The following CDK17 variants were observed in gnomAD, a reference collection of about 807,000 sequenced individuals.
CDK17 encodes cyclin-dependent kinase 17.
Under a neutral mutation model 77.6 loss-of-function variants are expected in CDK17, and 24 were observed. That is an observed-to-expected ratio of 0.31 (90% CI 0.22 to 0.44). The LOEUF is 0.44. Ranked by LOEUF, CDK17 falls within the 20% of genes least tolerant of loss-of-function variation. The pLI, the probability that CDK17 is intolerant of heterozygous loss-of-function variation, is 1.00. For missense variants in CDK17, 429 were observed against 622.5 expected (o/e 0.69, Z 3.31); for synonymous variants, 203 against 210.4 (o/e 0.96, Z 0.30).
intron 1 of CDK17, among the ~76,000 whole-genome samples, chr12:96,341,516 A>T (rs1018364740): frequency 1.5e-4 from 23 of 152,204 alleles, no homozygotes; most frequent in African/African-American, 4.6e-4. Flanking sequence ...AATGTTCAAA[A>T]ATCAGTTATC....
chr12:96,347,514 C>T (rs1485522337), intron 1 of CDK17, among the ~76,000 whole-genome samples: 2 of 148,138 alleles, frequency 1.4e-5, no homozygotes, highest in African/African-American at 5.0e-5. Flanking sequence ...TGAAGTGAGC[C>T]AGGATCACAC....
chr12:96,385,012 G>GAA (rs75720821), intron 1 of CDK17, among the ~76,000 whole-genome samples: 15 of 75,506 alleles, frequency 2.0e-4, no homozygotes, highest in East Asian at 3.8e-4. Flanking sequence ...TTTCTCAAGG[G>GAA]AAAAAAAAAA....
At chr12:96,363,476 G>GC (rs1011781587) in intron 1 of CDK17, among the ~76,000 whole-genome samples, 21 of 148,028 alleles carry the variant, frequency 1.4e-4, no homozygotes, top group Non-Finnish European at 3.0e-4. Flanking sequence ...AAAAATTAGA[G>GC]CCCCCTGTGC....
intron 1 of CDK17, among the ~76,000 whole-genome samples, chr12:96,398,578 G>T (rs1954208952): frequency 6.6e-6 from 1 of 152,188 alleles, no homozygotes; most frequent in Non-Finnish European, 1.5e-5. Context: ...GAACAAGCCA[G>T]ATTTGTTGCT....
At chr12:96,333,655 C>T (rs1388548776) in intron 2 of CDK17, among the ~76,000 whole-genome samples, 2 of 135,900 alleles carry the variant, frequency 1.5e-5, no homozygotes, top group Non-Finnish European at 3.0e-5. Context: ...GCCTGGGCAG[C>T]AGAGCGAGAC....
intron 1 of CDK17, among the ~76,000 whole-genome samples, chr12:96,340,760 T>C (rs1209404251): frequency 2.0e-5 from 3 of 152,290 alleles, no homozygotes; most frequent in South Asian, 4.1e-4. Context: ...TTATCTAAAA[T>C]TGGAACACTC....
intron 3 of CDK17, among the ~76,000 whole-genome samples, chr12:96,319,316 C>T (rs1592725665): frequency 1.5e-5 from 2 of 129,726 alleles, no homozygotes; most frequent in Admixed American, 7.9e-5. Flanking sequence ...AATAGTTTAC[C>T]AACCAAAAAG....
chr12:96,285,987 A>T (rs1952240534), intron 13 of CDK17, 56 bp downstream of exon 13: 3 of 866,562 alleles, frequency 3.5e-6, no homozygotes, highest in African/African-American at 1.7e-5. Context: ...CTAATCCTTC[A>T]AAAGATTGAA....
intron 5 of CDK17, among the ~76,000 whole-genome samples, chr12:96,306,377 G>C (rs1054583749): frequency 2.7e-5 from 4 of 150,372 alleles, no homozygotes; most frequent in East Asian, 2.0e-4. Context: ...GACAAGCCTG[G>C]ATAATATAGT....
intron 1 of CDK17, among the ~76,000 whole-genome samples, chr12:96,384,677 C>T (rs1044847203): frequency 6.6e-6 from 1 of 152,152 alleles, no homozygotes; most frequent in African/African-American, 2.4e-5. Context: ...AAATACTGTA[C>T]GTTCTCACTT....
At chr12:96,383,629 G>A (rs948418393) in intron 1 of CDK17, among the ~76,000 whole-genome samples, 1 of 152,050 alleles carries the variant, frequency 6.6e-6, no homozygotes, top group Non-Finnish European at 1.5e-5. Flanking sequence ...AACCACAACC[G>A]TCTGATCGTC....
chr12:96,280,648 C>G, intron 16 of CDK17, 160 bp downstream of exon 16: 2 of 1,428,214 alleles, frequency 1.4e-6, no homozygotes, highest in African/African-American at 2.9e-5. Flanking sequence ...CCACATCATA[C>G]AGAAAAGTGA....
chr12:96,317,197 A>G (rs1952742922), intron 3 of CDK17, among the ~76,000 whole-genome samples: 1 of 150,344 alleles, frequency 6.7e-6, no homozygotes, highest in Non-Finnish European at 1.5e-5. Context: ...AACTGGAAGA[A>G]AGGGTATCAG....
At chr12:96,370,405 G>A (rs1352018302) in intron 1 of CDK17, among the ~76,000 whole-genome samples, 1 of 152,164 alleles carries the variant, frequency 6.6e-6, no homozygotes, top group East Asian at 1.9e-4. Flanking sequence ...TATAGTAGAA[G>A]TTACCTGCGA....
chr12:96,392,969 T>C (rs1473079921), intron 1 of CDK17, among the ~76,000 whole-genome samples: 3 of 152,190 alleles, frequency 2.0e-5, no homozygotes, highest in Non-Finnish European at 4.4e-5. Context: ...TAATACAATA[T>C]TGAGGACGTA....
At chr12:96,307,429 A>T (rs1592717349) in intron 5 of CDK17, among the ~76,000 whole-genome samples, 3 of 151,600 alleles carry the variant, frequency 2.0e-5, no homozygotes, top group Admixed American at 6.6e-5. Flanking sequence ...ATGATAGCTT[A>T]AAAAAATTAC....
chr12:96,289,346 C>T, intron 10 of CDK17, 59 bp from the exon 11 acceptor site: 1 of 1,586,806 alleles, frequency 6.3e-7, no homozygotes, highest in South Asian at 1.1e-5. Context: ...CTCTCAGACC[C>T]TATTCTCACC....
chr12:96,381,765 T>C (rs1300056148), intron 1 of CDK17, among the ~76,000 whole-genome samples: 1 of 151,630 alleles, frequency 6.6e-6, no homozygotes, highest in African/African-American at 2.4e-5. Context: ...AAACAACTTA[T>C]CTAGTTTTTT....
intron 4 of CDK17, among the ~76,000 whole-genome samples, chr12:96,312,920 GAAAAT>G (rs538807610): frequency 1.1e-3 from 168 of 152,134 alleles, no homozygotes; most frequent in African/African-American, 3.9e-3. Flanking sequence ...TTGAAACAGA[GAAAAT>G]AAAATGCTAA....
Sources: gnomAD v4.1 joint callset for allele counts (sites outside exome capture counted in the v4.1 genomes callset) on GRCh38, gnomAD v4.1.1 for gene constraint, MANE v1.5 for transcripts, NCBI Gene and HGNC (gene_info 2026-07-23, HGNC 2026-07-21) for gene names.